Variants in LRP1B observed in about 807,000 individuals in gnomAD.
LRP1B encodes the protein low-density lipoprotein receptor-related protein 1B.
In LRP1B, 217 loss-of-function variants were observed where a neutral mutation model predicts 556.6. That is an observed-to-expected ratio of 0.39 (90% CI 0.35 to 0.44). LRP1B has a LOEUF of 0.44. Ranked by LOEUF, LRP1B falls within the 20% of genes least tolerant of loss-of-function variation. LRP1B has a pLI of 1.00. For synonymous variants in LRP1B, 2,047 were observed against 1,865.8 expected (o/e 1.10, Z -2.50); for missense variants, 5,053 against 5,620.8 (o/e 0.90, Z 3.23).
intron 31 of LRP1B, among the ~76,000 whole-genome samples, chr2:140,820,022 CAG>C (rs1269919884): frequency 1.3e-5 from 2 of 152,262 alleles, no homozygotes; most frequent in African/African-American, 4.8e-5. Context: ...TTTTTCAAGA[CAG>C]AGTCTCGCTC....
chr2:141,114,489 G>A (rs1030346471), intron 7 of LRP1B, among the ~76,000 whole-genome samples: 2 of 152,098 alleles, frequency 1.3e-5, no homozygotes, highest in South Asian at 2.1e-4. Flanking sequence ...CTGGAATTTG[G>A]CCTTTCATGG....
chr2:141,161,520 T>C (rs542867762), intron 7 of LRP1B, among the ~76,000 whole-genome samples: 81 of 152,232 alleles, frequency 5.3e-4, no homozygotes, highest in African/African-American at 1.7e-3. Context: ...CCAAAATAAA[T>C]GAAATATTGT....
chr2:140,716,385 C>G (rs1030206209), intron 36 of LRP1B, among the ~76,000 whole-genome samples: 1 of 152,024 alleles, frequency 6.6e-6, no homozygotes. Flanking sequence ...CCTATTTTAA[C>G]TTTCTACTGA....
At chr2:141,747,936 A>T (rs2105559297) in intron 2 of LRP1B, among the ~76,000 whole-genome samples, 1 of 152,294 alleles carries the variant, frequency 6.6e-6, no homozygotes, top group East Asian at 1.9e-4. Context: ...GGCATGAAAC[A>T]ATCTAGATTA....
At chr2:141,343,366 T>C (rs1219862003) in intron 3 of LRP1B, among the ~76,000 whole-genome samples, 1 of 152,228 alleles carries the variant, frequency 6.6e-6, no homozygotes, top group African/African-American at 2.4e-5. Flanking sequence ...ACTTCTATCA[T>C]CTGTATCATT....
Position 140,233,284 on chromosome 2 carries a change from C to A in LRP1B, c.13702G>T (p.Asp4568Tyr), listed in dbSNP as rs199907421. 6.2e-7 allele frequency: 1 copy of A among 1,604,880 alleles called. No individual in the cohort carries two copies. Among genetic ancestry groups the A allele is most frequent in the African/African-American group, 1.3e-5 (1 of 74,434 alleles). The change falls in exon 91 of 91, where the codon GAT becomes TAT. Residue 4568 changes from aspartate to tyrosine, a missense_variant. Physicochemically the swap from Asp to Tyr is radical, Grantham distance 160 (BLOSUM62 -3). Around this residue, in one of 5 missense-constraint regions of LRP1B, gnomAD observed 551 missense variants for 592.0 expected, o/e 0.93. Coordinates refer to ENST00000389484, the MANE Select transcript of LRP1B (RefSeq NM_018557.3). ...SNPVYAKLYM[D>Y]GQNCRNSLGS... Reference sequence around the variant, plus strand: ...AAGGAGTTTCGACAGTTTTGCCCATCCATATATAATTTTGCATATACCGGA... The same window carrying A: ...AAGGAGTTTCGACAGTTTTGCCCATACATATATAATTTTGCATATACCGGA...
intron 35 of LRP1B, among the ~76,000 whole-genome samples, chr2:140,750,072 GCACACGTACACA>G (rs1226963150): frequency 4.1e-5 from 5 of 123,160 alleles, no homozygotes; most frequent in Non-Finnish European, 8.3e-5. Context: ...TATATACTGT[GCACACGTACACA>G]CACACACACA....
chr2:141,377,288 A>G (rs1286078408), intron 3 of LRP1B, among the ~76,000 whole-genome samples: 1 of 152,204 alleles, frequency 6.6e-6, no homozygotes, highest in African/African-American at 2.4e-5. Context: ...TGTATATTTT[A>G]CAAATATGAA....
chr2:141,465,978 C>G (rs1156305597), intron 3 of LRP1B, among the ~76,000 whole-genome samples: 1 of 151,802 alleles, frequency 6.6e-6, no homozygotes, highest in Non-Finnish European at 1.5e-5. Flanking sequence ...AACCTCTGTC[C>G]CCCAGGTTCA....
intron 35 of LRP1B, among the ~76,000 whole-genome samples, chr2:140,726,080 A>G (rs2105485777): frequency 6.6e-6 from 1 of 152,300 alleles, no homozygotes; most frequent in Middle Eastern, 3.4e-3. Flanking sequence ...CATTAAAGGT[A>G]CAAATAGGAA....
intron 88 of LRP1B, 29 bp from the exon 89 acceptor site, chr2:140,238,325 A>G: frequency 8.1e-7 from 1 of 1,235,880 alleles, no homozygotes; most frequent in Non-Finnish European, 1.2e-6. Flanking sequence ...AATATGTGTG[A>G]GTTTTGTATA....
intron 35 of LRP1B, among the ~76,000 whole-genome samples, chr2:140,724,132 G>T (rs1687508277): frequency 6.6e-6 from 1 of 152,228 alleles, no homozygotes; most frequent in East Asian, 1.9e-4. Flanking sequence ...TAGATAAACG[G>T]ATTCTTTCGT....
At chr2:140,786,226 C>T (rs1232156355) in intron 32 of LRP1B, among the ~76,000 whole-genome samples, 2 of 152,158 alleles carry the variant, frequency 1.3e-5, no homozygotes, top group African/African-American at 2.4e-5. Context: ...TATTGAATTG[C>T]AGTCAACTTT....
chr2:141,342,750 G>A (rs143811727), intron 3 of LRP1B, among the ~76,000 whole-genome samples: 28 of 152,248 alleles, frequency 1.8e-4, no homozygotes, highest in African/African-American at 6.3e-4. Context: ...CATTGGAATG[G>A]TGTACCTGAA....
intron 7 of LRP1B, among the ~76,000 whole-genome samples, chr2:141,068,401 G>A (rs1378513971): frequency 2.0e-5 from 3 of 151,910 alleles, no homozygotes; most frequent in South Asian, 4.1e-4. Flanking sequence ...AGGAGGCGGT[G>A]TCTGATTTAC....
intron 1 of LRP1B, among the ~76,000 whole-genome samples, chr2:142,130,011 C>T (rs1707792760): frequency 6.6e-6 from 1 of 152,138 alleles, no homozygotes; most frequent in Non-Finnish European, 1.5e-5. Flanking sequence ...GGGTTAGCCC[C>T]TCAGAGCACC....
chr2:140,642,601 G>A (rs1490043748), intron 41 of LRP1B, among the ~76,000 whole-genome samples: 2 of 152,088 alleles, frequency 1.3e-5, no homozygotes, highest in African/African-American at 4.8e-5. Flanking sequence ...CAGCACTTTG[G>A]GAAGCCGAGA....
chr2:141,039,846 A>G (rs976418793), intron 11 of LRP1B, among the ~76,000 whole-genome samples: 5 of 152,164 alleles, frequency 3.3e-5, no homozygotes, highest in African/African-American at 9.6e-5. Context: ...AAATACATAT[A>G]TTGGTTCAAA....
intron 7 of LRP1B, among the ~76,000 whole-genome samples, chr2:141,166,941 A>G (rs1183048383): frequency 1.3e-5 from 2 of 152,018 alleles, no homozygotes; most frequent in African/African-American, 2.4e-5. Context: ...AAATTCAATT[A>G]TAACATAATA....
Sources: allele counts gnomAD v4.1 joint callset (sites outside exome capture counted in the v4.1 genomes callset), GRCh38; gene constraint gnomAD v4.1.1; regional missense constraint gnomAD v4.1.1; transcripts MANE v1.5; gene names NCBI Gene and HGNC (gene_info 2026-07-23, HGNC 2026-07-21).